SYCP1: variants seen among roughly 807,000 people sequenced by gnomAD.
SYCP1 encodes cancer/testis antigen 8.
A neutral mutation model predicts 153.1 loss-of-function variants in SYCP1; 64 were observed. The ratio of observed to expected loss-of-function variants is 0.42; its 90% CI spans 0.34 to 0.51. SYCP1 has a LOEUF of 0.51. SYCP1 is among the 20% of genes least tolerant of loss of function. The pLI is 0.06. For synonymous variants in SYCP1, 384 were observed against 341.8 expected (o/e 1.12, Z -1.36); for missense variants, 997 against 1,049.0 (o/e 0.95, Z 0.68).
At chr1:114,854,360 C>T (rs1244985408), upstream of SYCP1, among the ~76,000 whole-genome samples, 2 of 152,038 alleles carry the variant, frequency 1.3e-5, no homozygotes, top group Non-Finnish European at 2.9e-5. Context: ...TCTTGAACTC[C>T]TTCCTGGGCT....
rs770452880 is a variant in SYCP1, at chr1:114,944,391, T to C, written c.1979T>C (p.Ile660Thr). 11 of 1,606,036 alleles carry C rather than the reference T, an allele frequency of 6.8e-6. No homozygotes were observed. Among genetic ancestry groups the C allele is most frequent in the Admixed American group, 1.7e-5 (1 of 58,694 alleles). The change falls in exon 24 of 32, where the codon ATC (isoleucine) becomes ACC (threonine). Residue 660 changes from isoleucine (I) to threonine (T), a missense_variant. Physicochemically the swap from Ile to Thr is moderately conservative, Grantham distance 89. Coordinates refer to ENST00000369522, the MANE Select transcript of SYCP1 (RefSeq NM_003176.4). Reference sequence around the variant, plus strand: ...AGTGCCAAACAGAAATTTGGAGAAATCACAGACACCTATCAGAAAGAAATT... The same window carrying C: ...AGTGCCAAACAGAAATTTGGAGAAACCACAGACACCTATCAGAAAGAAATT... The part of the protein sequence containing the change: ...LESAKQKFGE[I>T]TDTYQKEIED...
intron 15 of SYCP1, among the ~76,000 whole-genome samples, chr1:114,889,153 C>A (rs1280428135): frequency 6.6e-6 from 1 of 152,106 alleles, no homozygotes; most frequent in Non-Finnish European, 1.5e-5. Context: ...GTGAATAGTG[C>A]TGCAGTAAAC....
At chr1:114,987,867 G>GA (rs35542720) in intron 30 of SYCP1, among the ~76,000 whole-genome samples, 44 of 148,204 alleles carry the variant, frequency 3.0e-4, no homozygotes, top group East Asian at 7.9e-4. Flanking sequence ...CATGGACAAA[G>GA]AAAAAAAAAC....
Position 114,904,120 on chromosome 1 carries a change from C to CT in SYCP1, c.1321-6263dup, listed in dbSNP as rs1272855607. Among the ~76,000 whole-genome samples, 579 of 142,170 alleles carry CT rather than the reference C, an allele frequency of 4.1e-3. 4 individuals are homozygous for CT. The highest frequency in any genetic ancestry group is 0.013 in the East Asian group (62 of 4,928). The allele number at this position is 142,170 out of a possible 152,430, so 93.3% of individuals were successfully genotyped here. A position where few individuals can be genotyped will look rare whatever the true frequency, so the allele number is the denominator to read the frequency against. On this transcript the variant is annotated intron_variant, in intron 16 of 31. Transcript: ENST00000369522. ...TTTTATAATTAGCTTTTCTTTCTTT[C>CT]TTTTTTTTTTTTTTGAGACGGAGTC... is the stretch of plus-strand genomic sequence containing the variant.
intron 15 of SYCP1, among the ~76,000 whole-genome samples, chr1:114,889,351 C>G (rs1570707557): frequency 6.6e-6 from 1 of 152,312 alleles, no homozygotes; most frequent in South Asian, 2.1e-4. Flanking sequence ...TCTCCACATC[C>G]TCTCCAGCAT....
chr1:114,938,491 T>C (rs1308055505), intron 23 of SYCP1, among the ~76,000 whole-genome samples: 2 of 152,038 alleles, frequency 1.3e-5, no homozygotes, highest in South Asian at 4.2e-4. Context: ...GGCACATGTA[T>C]ATGTATGTAA....
intron 11 of SYCP1, among the ~76,000 whole-genome samples, chr1:114,877,625 C>A (rs114131816): frequency 9.8e-4 from 150 of 152,304 alleles, no homozygotes; most frequent in African/African-American, 3.5e-3. Context: ...GATTGTTGGG[C>A]TTCCTTGTAA....
intron 14 of SYCP1, 56 bp from the exon 15 acceptor site, chr1:114,887,570 T>G (rs1666399465): frequency 8.8e-4 from 1,035 of 1,179,818 alleles, no homozygotes; most frequent in Non-Finnish European, 1.1e-3. Flanking sequence ...ATTTTAGTTA[T>G]GAGATGAATT....
chr1:114,892,559 T>C (rs1239469958), intron 15 of SYCP1, among the ~76,000 whole-genome samples: 1 of 152,086 alleles, frequency 6.6e-6, no homozygotes, highest in Non-Finnish European at 1.5e-5. Flanking sequence ...GCAAGGTAGC[T>C]TGTCCTTGGG....
chr1:114,876,765 C>T lies in SYCP1; in HGVS notation c.756C>T (p.His252=). 1 of 1,394,208 alleles carries T rather than the reference C, an allele frequency of 7.2e-7. No individual in the cohort carries two copies. The highest frequency in any genetic ancestry group is 2.8e-5 in the East Asian group (1 of 35,132). 86.4% of individuals were successfully genotyped at this position (1,394,208 alleles called of 1,614,324 possible). A position where few individuals can be genotyped will look rare whatever the true frequency, so the allele number is the denominator to read the frequency against. ...KLKEDYEKIQ[H]LEQEYKKEIN... ...AGGAAGATTATGAAAAAATCCAACA[C>T]CTTGAACAAGAATACAAGAAGGAAA... Residue 252 remains histidine, a synonymous_variant, in exon 11 of 32, where the codon CAC becomes CAT. Transcript: ENST00000369522.
intron 8 of SYCP1, among the ~76,000 whole-genome samples, chr1:114,871,896 A>G (rs1051449151): frequency 7.3e-5 from 11 of 150,146 alleles, no homozygotes; most frequent in Non-Finnish European, 1.2e-4. Context: ...CATTATTGGT[A>G]TTACTATTTT....
intron 30 of SYCP1, among the ~76,000 whole-genome samples, chr1:114,985,922 A>AAT (rs1273087590): frequency 2.0e-5 from 3 of 151,856 alleles, no homozygotes; most frequent in African/African-American, 4.8e-5. Context: ...GAAAAAAAAA[A>AAT]AAATAAATAA....
In SYCP1 at chr1:114,995,176, T is replaced by G. The variant is rs1674201355; in HGVS notation, c.*157T>G. 1 of 649,770 alleles carries G rather than the reference T, an allele frequency of 1.5e-6. No individual in the cohort carries two copies. The highest frequency in any genetic ancestry group is 3.1e-5 in the South Asian group (1 of 32,638). The allele number at this position is 649,770 out of a possible 1,614,324, so 40.3% of individuals were successfully genotyped here. ...TTCTTTATATTTTTAGCCTAAATGT[T>G]AACTACATATTGTCTGGAAACCTGT... On this transcript the variant is annotated 3_prime_UTR_variant, in exon 32 of 32. Coordinates refer to ENST00000369522, the MANE Select transcript of SYCP1 (RefSeq NM_003176.4).
At chr1:114,898,560 T>C (rs1053703362) in intron 16 of SYCP1, among the ~76,000 whole-genome samples, 1 of 152,150 alleles carries the variant, frequency 6.6e-6, no homozygotes, top group Non-Finnish European at 1.5e-5. Flanking sequence ...GCAGGATTAG[T>C]CTAAAATGTA....
At chr1:114,911,052 C>T (rs1192475135) in intron 17 of SYCP1, among the ~76,000 whole-genome samples, 1 of 151,758 alleles carries the variant, frequency 6.6e-6, no homozygotes, top group Non-Finnish European at 1.5e-5. Flanking sequence ...GTTTCCAGTC[C>T]ATGACAGTAT....
intron 8 of SYCP1, among the ~76,000 whole-genome samples, chr1:114,861,345 A>AT (rs575145769): frequency 3.3e-5 from 5 of 152,192 alleles, no homozygotes; most frequent in Middle Eastern, 3.4e-3. Context: ...ATAAAGTAGG[A>AT]TTTTTTCCCA....
intron 12 of SYCP1, among the ~76,000 whole-genome samples, chr1:114,878,884 G>A (rs956405931): frequency 6.6e-6 from 1 of 152,160 alleles, no homozygotes; most frequent in Non-Finnish European, 1.5e-5. Flanking sequence ...GGAGCATGAT[G>A]GAGAGAGTTA....
chr1:114,874,622 C>A lies in SYCP1; in HGVS notation c.657+58C>A, dbSNP rs1268339418. 6 of 1,040,052 alleles carry A rather than the reference C, an allele frequency of 5.8e-6. No homozygotes were observed. In the East Asian group the frequency reaches 7.4e-5, roughly 13 times the overall value. The allele number at this position is 1,040,052 out of a possible 1,614,324, so 64.4% of individuals were successfully genotyped here. ...ATAGGAATTTCTGAGCAAATTAGAG[C>A]GATTGCTACAAAGATATGGACAACT... On this transcript the variant is annotated intron_variant, in intron 9 of 31. Coordinates refer to ENST00000369522, the MANE Select transcript of SYCP1 (RefSeq NM_003176.4).
chr1:114,972,706 T>C (rs1163395109), intron 27 of SYCP1, among the ~76,000 whole-genome samples: 1 of 152,184 alleles, frequency 6.6e-6, no homozygotes, highest in Non-Finnish European at 1.5e-5. Flanking sequence ...GATTTTATAG[T>C]TTCCAAAATT....
Sources: gnomAD v4.1 joint callset for allele counts (sites outside exome capture counted in the v4.1 genomes callset) on GRCh38, gnomAD v4.1.1 for gene constraint, MANE v1.5 for transcripts, NCBI Gene and HGNC (gene_info 2026-07-23, HGNC 2026-07-21) for gene names.